The following PPARG variants were observed in gnomAD, a reference collection of about 807,000 sequenced individuals.
PPARG encodes peroxisome proliferator activated receptor gamma.
In PPARG, 17 loss-of-function variants were observed where a neutral mutation model predicts 39.2. The observed-to-expected ratio is 0.43, with a 90% CI of 0.30 to 0.65. The LOEUF is 0.65. Ranked by LOEUF, PPARG falls within the 30% of genes least tolerant of loss-of-function variation. The pLI is 0.13. For synonymous variants in PPARG, 223 were observed against 215.7 expected (o/e 1.03, Z -0.30); for missense variants, 406 against 585.9 (o/e 0.69, Z 3.17).
intron 4 of PPARG, among the ~76,000 whole-genome samples, chr3:12,391,668 A>G (rs2125211381): frequency 6.6e-6 from 1 of 152,276 alleles, no homozygotes; most frequent in South Asian, 2.1e-4. Flanking sequence ...TAATTATTTA[A>G]ATGAAGCTGT....
At chr3:12,306,307 T>C (rs559651886) in intron 1 of PPARG, among the ~76,000 whole-genome samples, 4 of 152,316 alleles carry the variant, frequency 2.6e-5, no homozygotes, top group African/African-American at 7.2e-5. Flanking sequence ...CAGGCAATAA[T>C]GTTCGCTCGC....
chr3:12,350,313 C>T (rs1030385146), intron 2 of PPARG, among the ~76,000 whole-genome samples: 4 of 152,222 alleles, frequency 2.6e-5, no homozygotes, highest in East Asian at 1.9e-4. Context: ...CACTTTATTC[C>T]GTGATGTTCA....
chr3:12,299,324 G>T (rs1328224497), intron 1 of PPARG, among the ~76,000 whole-genome samples: 4 of 152,090 alleles, frequency 2.6e-5, no homozygotes, highest in Admixed American at 2.6e-4. Context: ...CTAAGAGGGG[G>T]TGAATGGGCC....
intron 7 of PPARG, among the ~76,000 whole-genome samples, chr3:12,432,833 G>T (rs1402872556): frequency 6.6e-6 from 1 of 152,158 alleles, no homozygotes; most frequent in East Asian, 1.9e-4. Context: ...CACATCAGTG[G>T]GGATATATTA....
intron 2 of PPARG, among the ~76,000 whole-genome samples, chr3:12,371,068 T>C (rs1200762107): frequency 1.3e-5 from 2 of 152,332 alleles, no homozygotes; most frequent in Non-Finnish European, 2.9e-5. Flanking sequence ...TGGTGACTAA[T>C]GTGTACACAA....
intron 7 of PPARG, among the ~76,000 whole-genome samples, chr3:12,430,958 C>G (rs536135899): frequency 1.3e-5 from 2 of 152,062 alleles, no homozygotes; most frequent in African/African-American, 4.8e-5. Flanking sequence ...TGAAACAGAA[C>G]TGAGACTAGA....
upstream of PPARG, chr3:12,289,017 G>A (rs1422783362): frequency 6.6e-6 from 1 of 152,262 alleles, no homozygotes; most frequent in African/African-American, 2.4e-5. Flanking sequence ...GTCAGAAACG[G>A]GGAGTAACCG....
chr3:12,374,757 C>G (rs184741992), intron 2 of PPARG, among the ~76,000 whole-genome samples: 63 of 152,038 alleles, frequency 4.1e-4, no homozygotes, highest in African/African-American at 1.4e-3. Context: ...TAGGGGAAAA[C>G]CATGCTTTGT....
intron 1 of PPARG, among the ~76,000 whole-genome samples, chr3:12,295,091 C>T (rs1440207424): frequency 6.6e-6 from 1 of 152,090 alleles, no homozygotes; most frequent in Non-Finnish European, 1.5e-5. Context: ...AATCACATTG[C>T]TTACTCGTCA....
At chr3:12,341,506 C>T (rs2125070188) in intron 2 of PPARG, among the ~76,000 whole-genome samples, 1 of 152,142 alleles carries the variant, frequency 6.6e-6, no homozygotes, top group East Asian at 1.9e-4. Context: ...AAAGATCTTC[C>T]TTATAGAAAA....
chr3:12,427,740 C>G (rs1427709249), intron 7 of PPARG, among the ~76,000 whole-genome samples: 1 of 152,122 alleles, frequency 6.6e-6, no homozygotes, highest in Non-Finnish European at 1.5e-5. Flanking sequence ...ACTGAGGGAG[C>G]AGTGCAATAA....
chr3:12,287,552 C>A (rs975831314), upstream of PPARG: 1 of 152,234 alleles, frequency 6.6e-6, no homozygotes, highest in Non-Finnish European at 1.5e-5. Flanking sequence ...GGGAGCCCCA[C>A]ACCTCGGTCT....
intron 2 of PPARG, among the ~76,000 whole-genome samples, chr3:12,340,101 G>C (rs1394964113): frequency 6.6e-6 from 1 of 152,146 alleles, no homozygotes; most frequent in African/African-American, 2.4e-5. Context: ...GCAGTACATG[G>C]AAGAAACAAT....
At chr3:12,350,344 A>T (rs2048444100) in intron 2 of PPARG, among the ~76,000 whole-genome samples, 1 of 152,158 alleles carries the variant, frequency 6.6e-6, no homozygotes, top group African/African-American at 2.4e-5. Context: ...GCATTTCCCC[A>T]TCAGGCTCTT....
chr3:12,364,553 AT>A (rs757189470), intron 2 of PPARG, among the ~76,000 whole-genome samples: 21 of 152,152 alleles, frequency 1.4e-4, no homozygotes, highest in Non-Finnish European at 2.2e-4. Flanking sequence ...TTTTCAATTG[AT>A]TTGTGTACCT....
intron 2 of PPARG, 134 bp downstream of exon 2, chr3:12,312,587 T>C (rs1414665087): frequency 6.6e-6 from 1 of 152,224 alleles, no homozygotes; most frequent in Non-Finnish European, 1.5e-5. Context: ...CTTTCTGCTA[T>C]ATAATTTTCC....
intron 7 of PPARG, among the ~76,000 whole-genome samples, chr3:12,423,819 T>G (rs1333244786): frequency 6.6e-6 from 1 of 152,262 alleles, no homozygotes; most frequent in Non-Finnish European, 1.5e-5. Flanking sequence ...CTCTCTTTTC[T>G]TGTAATATTG....
At chr3:12,340,324 G>A (rs1052587480) in intron 2 of PPARG, among the ~76,000 whole-genome samples, 2 of 152,196 alleles carry the variant, frequency 1.3e-5, no homozygotes, top group African/African-American at 4.8e-5. Context: ...CTTGCCCAGA[G>A]TTGCTGTAGG....
chr3:12,426,648 T>C (rs1164885148), intron 7 of PPARG, among the ~76,000 whole-genome samples: 2 of 151,324 alleles, frequency 1.3e-5, no homozygotes, highest in Non-Finnish European at 2.9e-5. Flanking sequence ...ATCAGAGAAA[T>C]GAGAGGAAAA....
Sources: allele counts gnomAD v4.1 joint callset (sites outside exome capture counted in the v4.1 genomes callset), GRCh38; gene constraint gnomAD v4.1.1; transcripts MANE v1.5; gene names NCBI Gene and HGNC (gene_info 2026-07-23, HGNC 2026-07-21).